ANKK1: variants seen among roughly 807,000 people sequenced by gnomAD.
ANKK1 encodes ankyrin repeat and protein kinase domain-containing protein 1.
Under a neutral mutation model 37.6 loss-of-function variants are expected in ANKK1, and 37 were observed. That is an observed-to-expected ratio of 0.98 (90% CI 0.76 to 1.29). ANKK1 has a LOEUF of 1.29. ANKK1 is among the 50% of genes most tolerant of loss of function. The pLI is 0.00. For missense variants in ANKK1, 1,019 were observed against 990.6 expected (o/e 1.03, Z -0.39); for synonymous variants, 415 against 418.7 (o/e 0.99, Z 0.11).
intron 7 of ANKK1, among the ~76,000 whole-genome samples, chr11:113,398,721 C>G (rs1017289542): frequency 2.0e-5 from 3 of 152,116 alleles, no homozygotes; most frequent in Non-Finnish European, 2.9e-5. Flanking sequence ...CCTCCTGAGC[C>G]CACTGCTCTT....
In ANKK1 at chr11:113,400,157, C is replaced by A. The variant is rs1354154552; in HGVS notation, c.2188C>A (p.Gln730Lys). Reference protein sequence around the residue: ...VQDGVSCTPLQLALRSRKQGI... With the variant: ...VQDGVSCTPLKLALRSRKQGI... The stretch of plus-strand genomic sequence containing the variant: ...GGATGGAGTGAGCTGCACACCCCTG[C>A]AACTGGCCCTCCGCAGCCGAAAGCA... The change falls in exon 8 of 8, where the codon CAA becomes AAA. Residue 730 changes from glutamine (Q) to lysine (K), a missense_variant. Gln to Lys is a moderately conservative substitution (Grantham distance 53). Transcript: ENST00000303941. 4.4e-6 allele frequency: 7 copies of A among 1,600,246 alleles called. No homozygotes were observed. In the South Asian group the frequency reaches 5.6e-5, roughly 13 times the overall value.
chr11:113,399,877 C>T lies in ANKK1; in HGVS notation c.1908C>T (p.His636=), dbSNP rs764424497. ...CTCCCCTGCACCTAGCTGCACGCCA[C>T]GGGGAGGAGGCGGTGGTGTCAGCAC... The part of the protein sequence containing the change: ...NWTPLHLAAR[H]GEEAVVSALL... The change falls in exon 8 of 8, where the codon CAC becomes CAT. Residue 636 remains histidine (H), a synonymous_variant. Coordinates refer to ENST00000303941, the MANE Select transcript of ANKK1 (RefSeq NM_178510.2). 4 of 1,613,154 alleles carry T rather than the reference C, an allele frequency of 2.5e-6. No individual in the cohort carries two copies. The highest frequency in any genetic ancestry group is 3.4e-6 in the Non-Finnish European group (4 of 1,179,764).
Position 113,397,178 on chromosome 11 carries a change from C to A in ANKK1, c.839-46C>A, listed in dbSNP as rs553782514. 1.5e-4 allele frequency: 232 copies of A among 1,520,158 alleles called. 2 individuals carry two copies. In the South Asian group the frequency reaches 1.7e-3, roughly 11 times the overall value. 94.2% of individuals were successfully genotyped at this position (1,520,158 alleles called of 1,614,324 possible). A position where few individuals can be genotyped will look rare whatever the true frequency, so the allele number is the denominator to read the frequency against. ...TCTAAAACAGGGAGGGTACTGTGGG[C>A]CAGCCCGTTGCTTCCTTTCCTGTCT... On this transcript the variant is annotated intron_variant, in intron 5 of 7. Transcript: ENST00000303941.
chr11:113,389,633 C>T (rs937599976), intron 1 of ANKK1, among the ~76,000 whole-genome samples: 1 of 152,158 alleles, frequency 6.6e-6, no homozygotes, highest in African/African-American at 2.4e-5. Flanking sequence ...TGACTGATAT[C>T]AGAAAAGGCT....
rs987084811 is a variant in ANKK1, at chr11:113,399,798, A to G, written c.1829A>G (p.His610Arg). Residue 610 changes from histidine (H) to arginine (R), a missense_variant, in exon 8 of 8, where the codon CAT becomes CGT. His to Arg is a conservative substitution (Grantham distance 29, BLOSUM62 0). Transcript: ENST00000303941. ...AAYKGHLEII[H>R]LLAESHANMG... ...TACAAGGGCCACCTGGAGATCATCC[A>G]TCTGCTGGCAGAGAGCCACGCAAAC... is the stretch of plus-strand genomic sequence containing the variant. 1.4e-5 allele frequency: 22 copies of G among 1,603,396 alleles called. No homozygotes were observed. Among genetic ancestry groups the G allele is most frequent in the Non-Finnish European group, 1.9e-5 (22 of 1,175,350 alleles).
intron 1 of ANKK1, among the ~76,000 whole-genome samples, chr11:113,391,292 G>C (rs1950585293): frequency 6.6e-6 from 1 of 152,206 alleles, no homozygotes; most frequent in African/African-American, 2.4e-5. Context: ...TGGCATTGGG[G>C]ACAAATCTTG....
chr11:113,388,663 T>C (rs980487892), intron 1 of ANKK1, among the ~76,000 whole-genome samples: 5 of 152,208 alleles, frequency 3.3e-5, no homozygotes, highest in African/African-American at 4.8e-5. Flanking sequence ...TTCTCTCATC[T>C]CTGTTTTTGT....
intron 1 of ANKK1, among the ~76,000 whole-genome samples, chr11:113,392,370 A>T (rs1439612682): frequency 6.6e-6 from 1 of 152,196 alleles, no homozygotes; most frequent in Non-Finnish European, 1.5e-5. Flanking sequence ...TGGAGAAGGG[A>T]TCTCTGGCAC....
intron 1 of ANKK1, among the ~76,000 whole-genome samples, chr11:113,391,428 G>T (rs1342129580): frequency 1.3e-5 from 2 of 152,210 alleles, no homozygotes; most frequent in East Asian, 3.9e-4. Flanking sequence ...GTTGAGAATA[G>T]ATTGTGGAGA....
chr11:113,394,429 G>A (rs1217774841), intron 2 of ANKK1, among the ~76,000 whole-genome samples: 1 of 152,190 alleles, frequency 6.6e-6, no homozygotes, highest in African/African-American at 2.4e-5. Context: ...TTTCTTATCT[G>A]CTGCCCAGTC....
At chr11:113,390,723 G>A (rs1240675119) in intron 1 of ANKK1, among the ~76,000 whole-genome samples, 1 of 141,146 alleles carries the variant, frequency 7.1e-6, no homozygotes, top group Non-Finnish European at 1.5e-5. Context: ...CAACAAAAGT[G>A]AGACTTGGTC....
Position 113,400,252 on chromosome 11 carries a change from C to T in ANKK1, c.2283C>T (p.Ala761=), listed in dbSNP as rs1464150930. 11 of 1,538,762 alleles carry T rather than the reference C, an allele frequency of 7.1e-6. No homozygotes were observed. Among genetic ancestry groups the T allele is most frequent in the African/African-American group, 1.4e-5 (1 of 72,718 alleles). Residue 761 remains alanine (A), a synonymous_variant, in exon 8 of 8, where the codon GCC becomes GCT. Coordinates refer to ENST00000303941, the MANE Select transcript of ANKK1 (RefSeq NM_178510.2). ...VATLGGSKPG[A]EMEI The stretch of plus-strand genomic sequence containing the variant: ...CTCTGGGTGGTTCTAAGCCAGGAGC[C>T]GAGATGGAAATTTAGACAACTTGGC...
rs577839226 is a variant in ANKK1 at position 113,396,369 on chromosome 11, G to A, written c.838+147G>A. 3.1e-4 allele frequency: 295 copies of A among 965,762 alleles called. 3 individuals are homozygous for A. In the African/African-American group the frequency reaches 4.3e-3, roughly 14 times the overall value. The allele number at this position is 965,762 out of a possible 1,614,324, so 59.8% of individuals were successfully genotyped here. A position where few individuals can be genotyped will look rare whatever the true frequency, so the allele number is the denominator to read the frequency against. ...TTTTTTTTTTTTTTTTCAGAGACAC[G>A]GTCTCTCTGGTCCAGGCTGGAGTGT... On this transcript the variant is annotated intron_variant, in intron 5 of 7. Transcript: ENST00000303941.
rs202206437 is a variant in ANKK1 at position 113,393,699 on chromosome 11, A to C, written c.404A>C (p.His135Pro). The C allele has an allele frequency of 6.6e-5, 106 of 1,613,886 alleles. No individual in the cohort carries two copies. The Middle Eastern group carries it at 6.6e-4, about 10-fold the overall frequency. ...ACCAGCTTGGCCATGAACTTCCTGC[A>C]CAGCATTAAGCCGCCTCTGCTCCAC... ...HETSLAMNFLHSIKPPLLHLD... is the reference protein window; with the variant it reads ...HETSLAMNFLPSIKPPLLHLD... The change falls in exon 2 of 8, where the codon CAC (histidine) becomes CCC (proline). Residue 135 changes from histidine to proline, a missense_variant. By Grantham distance (77) the His-to-Pro change is moderately conservative. Transcript: ENST00000303941.
intron 5 of ANKK1, among the ~76,000 whole-genome samples, chr11:113,396,536 C>T (rs908943359): frequency 2.0e-5 from 3 of 151,838 alleles, no homozygotes; most frequent in African/African-American, 7.3e-5. Context: ...ATGGGGGTCT[C>T]GCTATGTTAT....
At position 113,391,380 on chromosome 11, in the gene ANKK1, T is replaced by C. The variant is rs113371710; in HGVS notation, c.186-2101T>C. On this transcript the variant is annotated intron_variant, in intron 1 of 7. Coordinates refer to ENST00000303941, the MANE Select transcript of ANKK1 (RefSeq NM_178510.2). ...GCCATTGGAGAAGGGCAGTGACATG[T>C]TGTGACTTAGATTTTAAAATATGAC... is the stretch of plus-strand genomic sequence containing the variant. 6.5e-3 allele frequency among the ~76,000 whole-genome samples: 993 copies of C among 152,304 alleles called. 9 individuals carry two copies. Among genetic ancestry groups the C allele is most frequent in the African/African-American group, 0.022 (897 of 41,562 alleles).
chr11:113,396,188 G>C lies in ANKK1; in HGVS notation c.804G>C (p.Trp268Cys), dbSNP rs901716735. 2.5e-6 allele frequency: 4 copies of C among 1,613,964 alleles called. No homozygotes were observed. Among genetic ancestry groups the C allele is most frequent in the Non-Finnish European group, 3.4e-6 (4 of 1,179,886 alleles). Residue 268 changes from tryptophan to cysteine, a missense_variant, in exon 5 of 8, where the codon TGG becomes TGC. Trp to Cys is a radical substitution (Grantham distance 215, BLOSUM62 -2). Coordinates refer to ENST00000303941, the MANE Select transcript of ANKK1 (RefSeq NM_178510.2). ...TGGTGGACCTGATGAAACGCTGCTG[G>C]GACCAGGACCCCAAGAAGAGGCCAT... ...QQMVDLMKRC[W>C]DQDPKKRPCF...
At position 113,400,106 on chromosome 11, in the gene ANKK1, G is replaced by A. The variant is rs1800497; in HGVS notation, c.2137G>A (p.Glu713Lys). 359,629 of 1,612,642 alleles carry A rather than the reference G, an allele frequency of 0.22. 43,632 individuals are homozygous for A. The highest frequency in any genetic ancestry group is 0.4 in the Admixed American group (23,942 of 59,860). ...CACAGCCATCCTCAAAGTGCTGGTC[G>A]AGGCAGGCGCCCAGCTGGACGTCCA... ...GNTAILKVLV[E>K]AGAQLDVQDG... The change falls in exon 8 of 8, where the codon GAG (glutamate) becomes AAG (lysine). Residue 713 changes from glutamate (E) to lysine (K), a missense_variant. Physicochemically the swap from Glu to Lys is moderately conservative, Grantham distance 56. Coordinates refer to ENST00000303941, the MANE Select transcript of ANKK1 (RefSeq NM_178510.2).
chr11:113,395,070 G>T lies in ANKK1; in HGVS notation c.622G>T (p.Asp208Tyr), dbSNP rs770164219. 62 of 1,609,456 alleles carry T rather than the reference G, an allele frequency of 3.9e-5. No individual in the cohort carries two copies. Among genetic ancestry groups the T allele is most frequent in the Admixed American group, 1.7e-4 (10 of 59,566 alleles). Reference protein sequence around the residue: ...ESNKAPGPKYDVYSFAIVIWE... With the variant: ...ESNKAPGPKYYVYSFAIVIWE... Reference sequence around the variant, plus strand: ...TAACAAGGCCCCAGGACCTAAATATGATGTGTACAGGTGAGAAGGAGGCCT... The same window carrying T: ...TAACAAGGCCCCAGGACCTAAATATTATGTGTACAGGTGAGAAGGAGGCCT... Residue 208 changes from aspartate (D) to tyrosine (Y), a missense_variant, in exon 3 of 8, where the codon GAT (aspartate) becomes TAT (tyrosine). Coordinates refer to ENST00000303941, the MANE Select transcript of ANKK1 (RefSeq NM_178510.2).
Sources: allele counts gnomAD v4.1 joint callset (sites outside exome capture counted in the v4.1 genomes callset), GRCh38; gene constraint gnomAD v4.1.1; transcripts MANE v1.5; gene names NCBI Gene and HGNC (gene_info 2026-07-23, HGNC 2026-07-21).